The following DPYSL2 variants were observed in gnomAD, a reference collection of about 807,000 sequenced individuals.
DPYSL2 encodes the protein dihydropyrimidinase like 2.
DPYSL2 carries 13 observed loss-of-function variants against 69.9 expected under a neutral mutation model. The observed-to-expected ratio is 0.19, with a 90% CI of 0.12 to 0.30. The LOEUF is 0.30. Among genes scored for constraint, DPYSL2 ranks in the 10% least tolerant of loss-of-function variants. DPYSL2 has a pLI of 1.00. For synonymous variants in DPYSL2, 326 were observed against 359.1 expected (o/e 0.91, Z 1.04); for missense variants, 587 against 918.9 (o/e 0.64, Z 4.67).
intron 1 of DPYSL2, among the ~76,000 whole-genome samples, chr8:26,556,385 C>A (rs1185135249): frequency 1.6e-5 from 1 of 64,186 alleles, no homozygotes; most frequent in Admixed American, 2.5e-4. Context: ...ATAGTATATA[C>A]ACACATACAT....
Position 26,562,173 on chromosome 8 carries a change from T to G in DPYSL2, c.355-19796T>G, listed in dbSNP as rs13255972. On this transcript the variant is annotated intron_variant, in intron 1 of 13. Coordinates refer to ENST00000521913, the MANE Select transcript of DPYSL2 (RefSeq NM_001197293.3). The surrounding 1 kb of genome is among the most constrained non-coding windows in gnomAD (Gnocchi z 4.9). ...GAGGAAGGACACACACTGGTCAGAC[T>G]GCAGGGCTTGATTCCTGGCTCTGCC... 0.35 allele frequency among the ~76,000 whole-genome samples: 52,579 copies of G among 152,080 alleles called. 11,389 individuals are homozygous for G. Among genetic ancestry groups the G allele is most frequent in the East Asian group, 0.66 (3,425 of 5,158 alleles).
intron 1 of DPYSL2, among the ~76,000 whole-genome samples, chr8:26,542,717 C>A (rs1017977649): frequency 6.6e-6 from 1 of 152,160 alleles, no homozygotes; most frequent in South Asian, 2.1e-4. Context: ...TGAGCTACCA[C>A]ACCTGGCCTA....
Position 26,648,405 on chromosome 8 carries a change from C to T in DPYSL2, c.1596+605C>T, listed in dbSNP as rs368126540. On this transcript the variant is annotated intron_variant, in intron 11 of 13. Transcript: ENST00000521913. The surrounding 1 kb of genome is among the most constrained non-coding windows in gnomAD (Gnocchi z 4.3). ...GGGCTTTAGAGCTTAGAGATGTCCT[C>T]TCTTGTTAACAGGACCCAGGGCAAG... Among the ~76,000 whole-genome samples, 1 of 152,158 alleles carries T rather than the reference C, an allele frequency of 6.6e-6. No homozygotes were observed. Among genetic ancestry groups the T allele is most frequent in the Non-Finnish European group, 1.5e-5 (1 of 68,038 alleles).
Position 26,514,263 on chromosome 8 carries a change from G to A in DPYSL2, c.-63G>A, listed in dbSNP as rs2117590194. ...CTAGGGGGCTTGTGCACACAGCGAG[G>A]GAGACTTAGGGACTGGCAGACGGAC... On this transcript the variant is annotated 5_prime_UTR_variant, in exon 1 of 14. Transcript: ENST00000521913. This position sits in a 1 kb window ranked among gnomAD's most constrained non-coding sequence, Gnocchi z 8.4. The A allele has an allele frequency of 7.4e-7, 1 of 1,359,100 alleles. No individual in the cohort carries two copies. Among genetic ancestry groups the A allele is most frequent in the Non-Finnish European group, 9.6e-7 (1 of 1,040,364 alleles). 84.2% of individuals were successfully genotyped at this position (1,359,100 alleles called of 1,614,324 possible). A position where few individuals can be genotyped will look rare whatever the true frequency, so the allele number is the denominator to read the frequency against.
At chr8:26,526,240 A>G (rs774539799) in intron 1 of DPYSL2, among the ~76,000 whole-genome samples, 5 of 152,100 alleles carry the variant, frequency 3.3e-5, no homozygotes, top group Non-Finnish European at 7.4e-5. Context: ...GACTACAGGT[A>G]TGTGCCACCA....
intron 1 of DPYSL2, among the ~76,000 whole-genome samples, chr8:26,545,955 C>T (rs34588663): frequency 0.098 from 14,903 of 152,182 alleles, 825 homozygotes; most frequent in Non-Finnish European, 0.12. Flanking sequence ...TTCAATTTCA[C>T]GTTGCCTATT....
chr8:26,605,855 T>G lies in DPYSL2; in HGVS notation c.629-18288T>G, dbSNP rs557071598. ...GTTAGTGAACAGAAAAACCCAATAC[T>G]GTAAAGAAGTGTATACTTTAGATTA... On this transcript the variant is annotated intron_variant, in intron 3 of 13. Coordinates refer to ENST00000521913, the MANE Select transcript of DPYSL2 (RefSeq NM_001197293.3). This position sits in a 1 kb window ranked among gnomAD's most constrained non-coding sequence, Gnocchi z 4.1. 6.6e-6 allele frequency among the ~76,000 whole-genome samples: 1 copy of G among 152,154 alleles called. No individual in the cohort carries two copies. Among genetic ancestry groups the G allele is most frequent in the Admixed American group, 6.5e-5 (1 of 15,280 alleles).
rs1391268353 is a variant in DPYSL2 at position 26,593,418 on chromosome 8, T to C, written c.628+9435T>C. On this transcript the variant is annotated intron_variant, in intron 3 of 13. Transcript: ENST00000521913. This position sits in a 1 kb window ranked among gnomAD's most constrained non-coding sequence, Gnocchi z 5.7. ...GCTTGTTCTGATAGTTGGACTTCTG[T>C]TGAAACCGAATGAATGTCTGCCAAG... Among the ~76,000 whole-genome samples the C allele has an allele frequency of 6.6e-6, 1 of 152,166 alleles. No individual in the cohort carries two copies. The highest frequency in any genetic ancestry group is 1.9e-4 in the East Asian group (1 of 5,188).
chr8:26,547,186 A>C (rs554179255), intron 1 of DPYSL2, among the ~76,000 whole-genome samples: 1 of 151,506 alleles, frequency 6.6e-6, no homozygotes, highest in African/African-American at 2.4e-5. Flanking sequence ...AATGTGGCGA[A>C]ATCCTGTCTC....
chr8:26,645,428 C>T (rs1277859586), intron 10 of DPYSL2, among the ~76,000 whole-genome samples: 1 of 151,928 alleles, frequency 6.6e-6, no homozygotes, highest in Non-Finnish European at 1.5e-5. Flanking sequence ...ATAATATTGG[C>T]ATCATACATA....
Position 26,599,276 on chromosome 8 carries a change from T to G in DPYSL2, c.628+15293T>G, listed in dbSNP as rs1022668309. On this transcript the variant is annotated intron_variant, in intron 3 of 13. Coordinates refer to ENST00000521913, the MANE Select transcript of DPYSL2 (RefSeq NM_001197293.3). Reference sequence around the variant, plus strand: ...TGTGTTCTGCTGAACATTCCTGCCTTCTTGACAGAAATCCCCTATTTTTGT... The same window carrying G: ...TGTGTTCTGCTGAACATTCCTGCCTGCTTGACAGAAATCCCCTATTTTTGT... Among the ~76,000 whole-genome samples the G allele has an allele frequency of 2.6e-5, 4 of 152,300 alleles. No homozygotes were observed. The East Asian group carries it at 7.7e-4, about 29-fold the overall frequency.
chr8:26,589,942 G>A (rs573876201), intron 3 of DPYSL2, among the ~76,000 whole-genome samples: 38 of 152,360 alleles, frequency 2.5e-4, no homozygotes, highest in African/African-American at 8.9e-4. Context: ...AGGCAGGAGG[G>A]CTGGGAGGAA....
chr8:26,630,523 A>G (rs1396794517), intron 7 of DPYSL2, among the ~76,000 whole-genome samples: 1 of 152,184 alleles, frequency 6.6e-6, no homozygotes, highest in Non-Finnish European at 1.5e-5. Flanking sequence ...TTTAGTGCTC[A>G]CGTGTGCTGG....
intron 3 of DPYSL2, among the ~76,000 whole-genome samples, chr8:26,594,486 T>C (rs1801813735): frequency 6.6e-6 from 1 of 152,216 alleles, no homozygotes; most frequent in African/African-American, 2.4e-5. Flanking sequence ...ACCTATCATT[T>C]ATCTAATCTA....
chr8:26,534,202 A>G (rs1230326014), intron 1 of DPYSL2, among the ~76,000 whole-genome samples: 1 of 151,982 alleles, frequency 6.6e-6, no homozygotes, highest in African/African-American at 2.4e-5. Flanking sequence ...TATTTTTGAG[A>G]CTGAGTCTTG....
At chr8:26,521,418 C>T (rs562841939) in intron 1 of DPYSL2, among the ~76,000 whole-genome samples, 1 of 152,244 alleles carries the variant, frequency 6.6e-6, no homozygotes, top group Admixed American at 6.5e-5. Flanking sequence ...CTCTAATGCT[C>T]CTTCTATCCA....
chr8:26,586,178 C>A lies in DPYSL2; in HGVS notation c.628+2195C>A, dbSNP rs936824567. Among the ~76,000 whole-genome samples the A allele has an allele frequency of 2.0e-5, 3 of 152,166 alleles. No individual in the cohort carries two copies. The highest frequency in any genetic ancestry group is 4.4e-5 in the Non-Finnish European group (3 of 68,036). On this transcript the variant is annotated intron_variant, in intron 3 of 13. Transcript: ENST00000521913. The surrounding 1 kb of genome is among the most constrained non-coding windows in gnomAD (Gnocchi z 4.7). ...CATTGGAGAGGGAAATGCCCCCAGC[C>A]AGGAGTTAGGAGTCTGGAGTGCTGG...
intron 3 of DPYSL2, among the ~76,000 whole-genome samples, chr8:26,611,277 A>G (rs926845255): frequency 2.0e-5 from 3 of 152,198 alleles, no homozygotes; most frequent in Non-Finnish European, 4.4e-5. Context: ...CTGTTCTCAC[A>G]CGCACAGTTT....
chr8:26,634,727 C>A, intron 7 of DPYSL2, 53 bp from the exon 8 acceptor site: 1 of 1,611,532 alleles, frequency 6.2e-7, no homozygotes, highest in Non-Finnish European at 8.5e-7. Context: ...ATAAAGGTAG[C>A]GGCTCGTGGG....
Sources: allele counts gnomAD v4.1 joint callset (sites outside exome capture counted in the v4.1 genomes callset), GRCh38; gene constraint gnomAD v4.1.1; non-coding constraint Gnocchi (gnomAD v3.1); transcripts MANE v1.5; gene names NCBI Gene and HGNC (gene_info 2026-07-23, HGNC 2026-07-21).